Variants in HCN1 observed in about 807,000 individuals in gnomAD.
The protein encoded by HCN1 is potassium/sodium hyperpolarization-activated cyclic nucleotide-gated channel 1.
A neutral mutation model predicts 78.9 loss-of-function variants in HCN1; 13 were observed. That is an observed-to-expected ratio of 0.16 (90% CI 0.11 to 0.26). HCN1 has a LOEUF of 0.26. HCN1 is among the 10% of genes least tolerant of loss of function. The pLI, the probability that HCN1 is intolerant of heterozygous loss-of-function variation, is 1.00. For synonymous variants in HCN1, 552 were observed against 455.5 expected (o/e 1.21, Z -2.70); for missense variants, 810 against 1,154.3 (o/e 0.70, Z 4.32).
In HCN1 at chr5:45,339,924, T is replaced by C. The variant is rs569681305; in HGVS notation, c.1377+13176A>G. The stretch of plus-strand genomic sequence containing the variant: ...ATAGTTTTTAATTTATGTATGTATT[T>C]ATTTATTTTTTGAGACAGAGTTTTG... On this transcript the variant is annotated intron_variant, in intron 5 of 7. Transcript: ENST00000303230. Among the ~76,000 whole-genome samples, 4 of 152,218 alleles carry C rather than the reference T, an allele frequency of 2.6e-5. No homozygotes were observed. In the East Asian group the frequency reaches 7.7e-4, roughly 29 times the overall value.
chr5:45,383,773 C>A (rs943777883), intron 4 of HCN1, among the ~76,000 whole-genome samples: 1 of 151,178 alleles, frequency 6.6e-6, no homozygotes, highest in Non-Finnish European at 1.5e-5. Flanking sequence ...TTTAATTAAT[C>A]AAAAATAACT....
chr5:45,672,456 G>A (rs530073467), intron 1 of HCN1, among the ~76,000 whole-genome samples: 6 of 150,834 alleles, frequency 4.0e-5, no homozygotes, highest in Non-Finnish European at 8.9e-5. Context: ...AGTATTTATA[G>A]TTGTATTACA....
chr5:45,419,608 C>A lies in HCN1; in HGVS notation c.1012-22898G>T, dbSNP rs545577477. On this transcript the variant is annotated intron_variant, in intron 3 of 7. Coordinates refer to ENST00000303230, the MANE Select transcript of HCN1 (RefSeq NM_021072.4). Reference sequence around the variant, plus strand: ...AATTGACCTGTATGGATTCCAACAACAAACTCCATTACCCTCTGACCTCAG... The same window carrying A: ...AATTGACCTGTATGGATTCCAACAAAAAACTCCATTACCCTCTGACCTCAG... Among the ~76,000 whole-genome samples the A allele has an allele frequency of 6.6e-5, 10 of 152,306 alleles. No homozygotes were observed. In the South Asian group the frequency reaches 2.1e-3, roughly 32 times the overall value.
rs562350390 is a variant in HCN1 at position 45,257,032 on chromosome 5, C to A, written c.*4889G>T. 1 of 152,306 alleles carries A rather than the reference C, an allele frequency of 6.6e-6. No individual in the cohort carries two copies. Among genetic ancestry groups the A allele is most frequent in the Non-Finnish European group, 1.5e-5 (1 of 68,036 alleles). The allele number at this position is 152,306 out of a possible 1,614,324, so 9.4% of individuals were successfully genotyped here. A position where few individuals can be genotyped will look rare whatever the true frequency, so the allele number is the denominator to read the frequency against. On this transcript the variant is annotated 3_prime_UTR_variant, in exon 8 of 8. Transcript: ENST00000303230. ...TTCCTATTCCCATTACTCTATTTAG[C>A]AAACCTAGGACCTTCCTTAGGACCC...
intron 3 of HCN1, among the ~76,000 whole-genome samples, chr5:45,420,698 T>A (rs577272518): frequency 2.0e-5 from 3 of 152,174 alleles, no homozygotes; most frequent in Non-Finnish European, 4.4e-5. Flanking sequence ...TAGAACATAA[T>A]CACTGTTATA....
intron 3 of HCN1, among the ~76,000 whole-genome samples, chr5:45,420,832 A>G (rs1488027330): frequency 6.6e-6 from 1 of 152,116 alleles, no homozygotes; most frequent in Non-Finnish European, 1.5e-5. Flanking sequence ...CAGTGCCTCA[A>G]AGTTTACCAG....
chr5:45,292,941 AT>A (rs1189111594), intron 6 of HCN1, among the ~76,000 whole-genome samples: 1 of 152,066 alleles, frequency 6.6e-6, no homozygotes, highest in Non-Finnish European at 1.5e-5. Flanking sequence ...ATAAAGTAAT[AT>A]TTTAAATTTA....
chr5:45,584,960 A>AGAG (rs1744177955), intron 2 of HCN1, among the ~76,000 whole-genome samples: 1 of 152,126 alleles, frequency 6.6e-6, no homozygotes, highest in Non-Finnish European at 1.5e-5. Context: ...GCTGCCCTTA[A>AGAG]CATTTTTCCT....
intron 1 of HCN1, among the ~76,000 whole-genome samples, chr5:45,647,580 A>T (rs1170374045): frequency 6.6e-6 from 1 of 152,092 alleles, no homozygotes; most frequent in African/African-American, 2.4e-5. Flanking sequence ...TTTGTAACTG[A>T]TGACCCCAAA....
At chr5:45,379,820 A>G (rs1747766786) in intron 4 of HCN1, among the ~76,000 whole-genome samples, 1 of 152,060 alleles carries the variant, frequency 6.6e-6, no homozygotes, top group Non-Finnish European at 1.5e-5. Context: ...ATTAATAATA[A>G]AAACCAATAG....
chr5:45,579,213 C>A (rs1744007736), intron 2 of HCN1, among the ~76,000 whole-genome samples: 2 of 152,162 alleles, frequency 1.3e-5, no homozygotes, highest in South Asian at 2.1e-4. Flanking sequence ...TCAAAGTTTA[C>A]AAATGACAAA....
chr5:45,661,218 G>A (rs1453611102), intron 1 of HCN1, among the ~76,000 whole-genome samples: 111 of 115,396 alleles, frequency 9.6e-4, no homozygotes, highest in African/African-American at 3.7e-3. Context: ...GGTACATAAC[G>A]AAATGAAGGC....
chr5:45,336,912 A>T (rs947858495), intron 5 of HCN1, among the ~76,000 whole-genome samples: 18 of 151,642 alleles, frequency 1.2e-4, no homozygotes, highest in African/African-American at 4.4e-4. Flanking sequence ...TGGCCTAATC[A>T]CCTCCCAAAG....
At chr5:45,331,614 T>A (rs1175863747) in intron 5 of HCN1, among the ~76,000 whole-genome samples, 4 of 151,392 alleles carry the variant, frequency 2.6e-5, no homozygotes, top group Non-Finnish European at 5.9e-5. Context: ...TTTCTAATAT[T>A]TGTAGTTTTC....
intron 2 of HCN1, among the ~76,000 whole-genome samples, chr5:45,498,617 G>A (rs924160656): frequency 1.6e-4 from 24 of 152,140 alleles, no homozygotes; most frequent in Admixed American, 3.9e-4. Flanking sequence ...GCTTCCTTCC[G>A]TTGCTGGTGA....
intron 2 of HCN1, among the ~76,000 whole-genome samples, chr5:45,589,666 A>G (rs1249202942): frequency 1.3e-5 from 2 of 152,192 alleles, no homozygotes; most frequent in East Asian, 1.9e-4. Context: ...TGCTTTCTAG[A>G]GAGTTCTATA....
intron 2 of HCN1, among the ~76,000 whole-genome samples, chr5:45,516,659 T>C (rs1329749541): frequency 3.3e-5 from 5 of 151,986 alleles, no homozygotes; most frequent in Non-Finnish European, 7.4e-5. Flanking sequence ...ATTAACTGCA[T>C]ATTGATCCTT....
chr5:45,434,079 C>T (rs1740517485), intron 3 of HCN1, among the ~76,000 whole-genome samples: 3 of 152,180 alleles, frequency 2.0e-5, no homozygotes. Flanking sequence ...AAGGTGTATT[C>T]AGCACAGGTG....
At chr5:45,668,559 G>A (rs142576758) in intron 1 of HCN1, among the ~76,000 whole-genome samples, 7 of 151,850 alleles carry the variant, frequency 4.6e-5, no homozygotes, top group East Asian at 1.9e-4. Flanking sequence ...GTGTGAAAAC[G>A]GACTGATACA....
Sources: allele counts gnomAD v4.1 joint callset (sites outside exome capture counted in the v4.1 genomes callset), GRCh38; gene constraint gnomAD v4.1.1; transcripts MANE v1.5; gene names NCBI Gene and HGNC (gene_info 2026-07-23, HGNC 2026-07-21).